PDE9A: variants seen among roughly 807,000 people sequenced by gnomAD.
PDE9A encodes the protein phosphodiesterase 9A, also known as high affinity cGMP-specific 3',5'-cyclic phosphodiesterase 9A.
A neutral mutation model predicts 87.4 loss-of-function variants in PDE9A; 60 were observed. That is an observed-to-expected ratio of 0.69 (90% CI 0.56 to 0.85). The LOEUF is 0.85. Among genes scored for constraint, PDE9A ranks in the 40% least tolerant of loss-of-function variants. The pLI, the probability that PDE9A is intolerant of heterozygous loss-of-function variation, is 0.00. For missense variants in PDE9A, 665 were observed against 779.0 expected (o/e 0.85, Z 1.74); for synonymous variants, 272 against 279.4 (o/e 0.97, Z 0.27).
At chr21:42,693,641 G>A (rs1396965693) in intron 3 of PDE9A, among the ~76,000 whole-genome samples, 2 of 136,036 alleles carry the variant, frequency 1.5e-5, no homozygotes. Flanking sequence ...TGCCCAGGCT[G>A]CAGTGCAATG....
intron 4 of PDE9A, among the ~76,000 whole-genome samples, chr21:42,701,981 T>C (rs533719473): frequency 5.3e-5 from 8 of 152,164 alleles, no homozygotes; most frequent in Non-Finnish European, 1.2e-4. Context: ...TTTCTTTTGG[T>C]TTAACCTGCT....
chr21:42,742,248 C>G (rs1296459924), intron 7 of PDE9A, among the ~76,000 whole-genome samples: 1 of 152,144 alleles, frequency 6.6e-6, no homozygotes, highest in Non-Finnish European at 1.5e-5. Flanking sequence ...GCTCATTCAT[C>G]AAGACAGGGG....
chr21:42,659,766 G>A lies in PDE9A; in HGVS notation c.69+5883G>A, dbSNP rs555654537. Among the ~76,000 whole-genome samples, 6 of 152,304 alleles carry A rather than the reference G, an allele frequency of 3.9e-5. No homozygotes were observed. Among genetic ancestry groups the A allele is most frequent in the East Asian group, 1.9e-4 (1 of 5,182 alleles). ...CCCATGAGCCCAGGTCCCACAGCCC[G>A]CACCTTCGTCTTCCAGCCAGCCTCT... On this transcript the variant is annotated intron_variant, in intron 1 of 19. Transcript: ENST00000291539. This position sits in a 1 kb window ranked among gnomAD's most constrained non-coding sequence, Gnocchi z 4.1.
intron 7 of PDE9A, among the ~76,000 whole-genome samples, chr21:42,734,886 G>A (rs961159020): frequency 1.2e-4 from 18 of 152,162 alleles, no homozygotes; most frequent in African/African-American, 3.1e-4. Context: ...GGTCCTGGCC[G>A]GGCTGCTGTC....
Position 42,751,168 on chromosome 21 carries a change from C to G in PDE9A, c.706C>G (p.Pro236Ala). ...SFLDNHKKLT[P>A]RRDVPTYPKY... ...TTTGGATAACCACAAGAAGTTGACTCCTCGACGCGATGTTCCCACTTACCC... is the reference window on the plus strand; with the variant it reads ...TTTGGATAACCACAAGAAGTTGACTGCTCGACGCGATGTTCCCACTTACCC... The change falls in exon 9 of 20, where the codon CCT becomes GCT. Residue 236 changes from proline (P) to alanine (A), a missense_variant. Pro to Ala is a conservative substitution (Grantham distance 27, BLOSUM62 -1). Transcript: ENST00000291539. The G allele has an allele frequency of 6.2e-7, 1 of 1,613,198 alleles. No homozygotes were observed. Among genetic ancestry groups the G allele is most frequent in the East Asian group, 2.2e-5 (1 of 44,874 alleles).
intron 14 of PDE9A, among the ~76,000 whole-genome samples, chr21:42,764,687 T>C (rs1258400849): frequency 6.6e-6 from 1 of 152,228 alleles, no homozygotes; most frequent in African/African-American, 2.4e-5. Context: ...AATATGACTC[T>C]CCTCTGGGGG....
intron 1 of PDE9A, among the ~76,000 whole-genome samples, chr21:42,656,502 T>C (rs1248498193): frequency 6.6e-6 from 1 of 152,262 alleles, no homozygotes; most frequent in Non-Finnish European, 1.5e-5. Context: ...GGGCAGCAAG[T>C]GCCGGTGTCT....
chr21:42,768,397 G>A (rs537357576), intron 16 of PDE9A, 105 bp downstream of exon 16: 17 of 1,011,364 alleles, frequency 1.7e-5, no homozygotes, highest in Admixed American at 6.7e-5. Flanking sequence ...CATATTCCCC[G>A]GGCTGCCGAC....
chr21:42,670,200 CACAT>C (rs1296275844), intron 1 of PDE9A, among the ~76,000 whole-genome samples: 2 of 134,990 alleles, frequency 1.5e-5, no homozygotes, highest in East Asian at 2.0e-4. Flanking sequence ...CACATTCACA[CACAT>C]ACACTTACAT....
In PDE9A at chr21:42,759,013, G is replaced by A. The variant is rs774688018; in HGVS notation, c.825G>A (p.Leu275=). Residue 275 remains leucine, a synonymous_variant, in exon 11 of 20, where the codon CTG becomes CTA. Coordinates refer to ENST00000291539, the MANE Select transcript of PDE9A (RefSeq NM_002606.3). The surrounding 1 kb of genome is among the most constrained non-coding windows in gnomAD (Gnocchi z 7.2). ...TGTGCCCACAGATGCTGAGCTGCCT[G>A]GAGCACATGTACCACGACCTCGGGC... ...LWEPNEMLSC[L]EHMYHDLGLV... is the part of the protein sequence containing the mutation. 1.5e-5 allele frequency: 24 copies of A among 1,613,712 alleles called. No individual in the cohort carries two copies. The South Asian group carries it at 1.6e-4, about 11-fold the overall frequency.
intron 3 of PDE9A, chr21:42,689,846 C>T (rs1205099257): frequency 1.0e-5 from 10 of 985,312 alleles, no homozygotes; most frequent in Middle Eastern, 5.2e-4. Context: ...TGGCAGTGGA[C>T]GTGGACAGGG....
intron 1 of PDE9A, among the ~76,000 whole-genome samples, chr21:42,672,992 G>A (rs1176380994): frequency 6.6e-6 from 1 of 152,128 alleles, no homozygotes; most frequent in African/African-American, 2.4e-5. Flanking sequence ...GCCTTTGAAG[G>A]AAAAAGGAGG....
chr21:42,743,929 C>A, intron 8 of PDE9A, 69 bp downstream of exon 8: 1 of 897,764 alleles, frequency 1.1e-6, no homozygotes, highest in Non-Finnish European at 1.8e-6. Flanking sequence ...TGGGCTGGGG[C>A]TGTGGGCTTT....
rs774255552 is a variant in PDE9A at position 42,770,764 on chromosome 21, A to G, written c.1652A>G (p.Glu551Gly). ...CTTTGGGAATCCCGAGATCGCTACG[A>G]GGAGCTGAAGCGGATAGATGACGCC... ...QPLWESRDRY[E>G]ELKRIDDAMK... Residue 551 changes from glutamate to glycine, a missense_variant, in exon 18 of 20, where the codon GAG (glutamate) becomes GGG (glycine). Glu to Gly is a moderately conservative substitution (Grantham distance 98). Coordinates refer to ENST00000291539, the MANE Select transcript of PDE9A (RefSeq NM_002606.3). 6.2e-7 allele frequency: 1 copy of G among 1,614,056 alleles called. No homozygotes were observed. The highest frequency in any genetic ancestry group is 1.1e-5 in the South Asian group (1 of 91,072).
At chr21:42,769,316 CAT>C (rs990553687) in intron 17 of PDE9A, among the ~76,000 whole-genome samples, 161 bp downstream of exon 17, 35 of 151,154 alleles carry the variant, frequency 2.3e-4, no homozygotes, top group Middle Eastern at 3.4e-3. Flanking sequence ...GGCACATACA[CAT>C]ATACACACAC....
chr21:42,759,811 ATG>A lies in PDE9A; in HGVS notation c.898-506_898-505del, dbSNP rs886382231. 5.6e-5 allele frequency among the ~76,000 whole-genome samples: 7 copies of A among 124,692 alleles called. No individual in the cohort carries two copies. In the East Asian group the frequency reaches 1.1e-3, roughly 19 times the overall value. 81.8% of individuals were successfully genotyped at this position (124,692 alleles called of 152,430 possible). A position where few individuals can be genotyped will look rare whatever the true frequency, so the allele number is the denominator to read the frequency against. ...GGGGTGTGTGAGGGTGGATGTGTGC[ATG>A]TGTGTGTGTGGATGTGGGGTGTGTG... On this transcript the variant is annotated intron_variant, in intron 11 of 19. Transcript: ENST00000291539. The surrounding 1 kb of genome is among the most constrained non-coding windows in gnomAD (Gnocchi z 7.2).
At position 42,692,380 on chromosome 21, in the gene PDE9A, G is replaced by T. The variant is rs1288815974; in HGVS notation, c.218+4386G>T. On this transcript the variant is annotated intron_variant, in intron 3 of 19. Coordinates refer to ENST00000291539, the MANE Select transcript of PDE9A (RefSeq NM_002606.3). The surrounding 1 kb of genome is among the most constrained non-coding windows in gnomAD (Gnocchi z 4.3). Reference sequence around the variant, plus strand: ...TGGCATCCTACAGCGCACAGGACAGGCCCACAACAATGACACACGTGGCCG... The same window carrying T: ...TGGCATCCTACAGCGCACAGGACAGTCCCACAACAATGACACACGTGGCCG... Among the ~76,000 whole-genome samples, 3 of 152,200 alleles carry T rather than the reference G, an allele frequency of 2.0e-5. No homozygotes were observed. The highest frequency in any genetic ancestry group is 4.4e-5 in the Non-Finnish European group (3 of 68,042).
At chr21:42,736,598 C>G (rs992155952) in intron 7 of PDE9A, among the ~76,000 whole-genome samples, 4 of 152,244 alleles carry the variant, frequency 2.6e-5, no homozygotes, top group Non-Finnish European at 5.9e-5. Flanking sequence ...GTACTGATTT[C>G]TAGCACCAGA....
intron 8 of PDE9A, among the ~76,000 whole-genome samples, chr21:42,744,268 G>A (rs1055541060): frequency 1.3e-5 from 2 of 152,114 alleles, no homozygotes; most frequent in Admixed American, 6.5e-5. Flanking sequence ...CGGGAGAATC[G>A]CTTGAACCCA....
Sources: allele counts gnomAD v4.1 joint callset (sites outside exome capture counted in the v4.1 genomes callset), GRCh38; gene constraint gnomAD v4.1.1; non-coding constraint Gnocchi (gnomAD v3.1); transcripts MANE v1.5; gene names NCBI Gene and HGNC (gene_info 2026-07-23, HGNC 2026-07-21).